The following BCAS3 variants were observed in gnomAD, a reference collection of about 807,000 sequenced individuals.
BCAS3 encodes the protein BCAS4/BCAS3 fusion.
Under a neutral mutation model 116.1 loss-of-function variants are expected in BCAS3, and 53 were observed. That is an observed-to-expected ratio of 0.46 (90% CI 0.37 to 0.57). The LOEUF is 0.57. BCAS3 is among the 20% of genes least tolerant of loss of function. The pLI is 0.00. For missense variants in BCAS3, 917 were observed against 1,165.4 expected, an observed-to-expected ratio of 0.79 and a Z score of 3.10; for synonymous variants, 391 against 408.2, an observed-to-expected ratio of 0.96 and a Z score of 0.51.
rs1315416441 is a variant in BCAS3 at position 61,362,163 on chromosome 17, C to T, written c.2426-6164C>T. Among the ~76,000 whole-genome samples the T allele has an allele frequency of 2.6e-5, 4 of 152,194 alleles. No individual in the cohort carries two copies. In the South Asian group the frequency reaches 6.2e-4, roughly 24 times the overall value. ...GTAGTGTGGAGAAAGGGGTGCTCCC[C>T]GCAGCAGCACTCTTAAGCTCCGTTT... On this transcript the variant is annotated intron_variant, in intron 22 of 23. Transcript: ENST00000407086. The surrounding 1 kb of genome is among the most constrained non-coding windows in gnomAD (Gnocchi z 4.4).
rs748271109 is a variant in BCAS3, at chr17:61,343,949, G to A, written c.2426-24378G>A. Among the ~76,000 whole-genome samples, 16 of 152,260 alleles carry A rather than the reference G, an allele frequency of 1.1e-4. No homozygotes were observed. Among genetic ancestry groups the A allele is most frequent in the Middle Eastern group, 3.4e-3 (1 of 294 alleles). The stretch of plus-strand genomic sequence containing the variant: ...TGCTTTGTTAGGTACCTGCATCCCA[G>A]CAGGACTGGGGACCTGGCTGGATGT... On this transcript the variant is annotated intron_variant, in intron 22 of 23. Transcript: ENST00000407086. The surrounding 1 kb of genome is among the most constrained non-coding windows in gnomAD (Gnocchi z 5.5).
At chr17:61,345,410 G>T (rs2057446809) in intron 22 of BCAS3, among the ~76,000 whole-genome samples, 1 of 152,184 alleles carries the variant, frequency 6.6e-6, no homozygotes, top group Admixed American at 6.5e-5. Flanking sequence ...CAGGTTGTTT[G>T]CTGAGAATGA....
rs536582159 is a variant in BCAS3 at position 60,953,735 on chromosome 17, AT to A, written c.1221+6398del. ...TGAGTCTTTAATTCATCTTGAGTTG[AT>A]TTTTTTTTTTTTTTGAGATGAAGTC... is the stretch of plus-strand genomic sequence containing the variant. On this transcript the variant is annotated intron_variant, in intron 14 of 23. Transcript: ENST00000407086. Among the ~76,000 whole-genome samples, 198 of 137,574 alleles carry A rather than the reference AT, an allele frequency of 1.4e-3. 1 individual carries two copies. Among genetic ancestry groups the A allele is most frequent in the Middle Eastern group, 3.7e-3 (1 of 268 alleles). 90.3% of individuals were successfully genotyped at this position (137,574 alleles called of 152,430 possible). A position where few individuals can be genotyped will look rare whatever the true frequency, so the allele number is the denominator to read the frequency against.
chr17:60,753,864 G>A (rs573945652), intron 6 of BCAS3, among the ~76,000 whole-genome samples: 30 of 152,166 alleles, frequency 2.0e-4, no homozygotes, highest in Admixed American at 1.3e-4. Context: ...GATGGGAACT[G>A]TGTTTTTCTA....
chr17:60,684,076 G>A, intron 3 of BCAS3, 40 bp downstream of exon 3: 3 of 1,584,286 alleles, frequency 1.9e-6, no homozygotes, highest in Non-Finnish European at 2.6e-6. Context: ...CCTTTGGTCA[G>A]GAGAGCTCTG....
intron 4 of BCAS3, among the ~76,000 whole-genome samples, chr17:60,699,195 A>G (rs945253525): frequency 6.6e-6 from 1 of 150,868 alleles, no homozygotes; most frequent in Non-Finnish European, 1.5e-5. Context: ...ATAAAACACC[A>G]TTTGTTTATT....
At chr17:60,984,952 G>T (rs1211289950) in intron 14 of BCAS3, among the ~76,000 whole-genome samples, 2 of 146,108 alleles carry the variant, frequency 1.4e-5, no homozygotes, top group Admixed American at 6.9e-5. Context: ...AGAGGTTGCA[G>T]TGAGCCGAGA....
At chr17:61,272,697 G>A (rs1602336937) in intron 22 of BCAS3, among the ~76,000 whole-genome samples, 1 of 125,938 alleles carries the variant, frequency 7.9e-6, no homozygotes, top group Non-Finnish European at 1.6e-5. Flanking sequence ...CTCATTCTAA[G>A]TAAAAATTAC....
In BCAS3 at chr17:61,063,266, T is replaced by C. The variant is rs185673093; in HGVS notation, c.2030-11654T>C. Reference sequence around the variant, plus strand: ...GTTTATTTACAGTTTTTTGTTTTTTTGTTGTTTTGGTTTTTTTTTTTGAGG... The same window carrying C: ...GTTTATTTACAGTTTTTTGTTTTTTCGTTGTTTTGGTTTTTTTTTTTGAGG... On this transcript the variant is annotated intron_variant, in intron 19 of 23. Coordinates refer to ENST00000407086, the MANE Select transcript of BCAS3 (RefSeq NM_017679.5). The surrounding 1 kb of genome is among the most constrained non-coding windows in gnomAD (Gnocchi z 5.3). Among the ~76,000 whole-genome samples, 16 of 151,872 alleles carry C rather than the reference T, an allele frequency of 1.1e-4. No individual in the cohort carries two copies. Among genetic ancestry groups the C allele is most frequent in the African/African-American group, 3.1e-4 (13 of 41,324 alleles).
chr17:61,061,841 AAAC>A (rs781067979), intron 19 of BCAS3, among the ~76,000 whole-genome samples: 31 of 152,342 alleles, frequency 2.0e-4, no homozygotes, highest in Middle Eastern at 3.4e-3. Flanking sequence ...CTGAACAAAA[AAAC>A]AACGTGTTTG....
intron 10 of BCAS3, among the ~76,000 whole-genome samples, chr17:60,889,979 C>T (rs2057023023): frequency 6.6e-6 from 1 of 152,212 alleles, no homozygotes; most frequent in East Asian, 1.9e-4. Flanking sequence ...TAAGTCCAGA[C>T]TCTGTAGAAC....
chr17:60,930,230 A>C (rs1211359081), intron 13 of BCAS3, among the ~76,000 whole-genome samples: 1 of 152,164 alleles, frequency 6.6e-6, no homozygotes, highest in Non-Finnish European at 1.5e-5. Flanking sequence ...ATAATTATCT[A>C]ATTTGGTTAA....
chr17:60,717,987 T>C (rs2038826270), intron 5 of BCAS3, among the ~76,000 whole-genome samples: 1 of 152,204 alleles, frequency 6.6e-6, no homozygotes, highest in Non-Finnish European at 1.5e-5. Flanking sequence ...TAGATTCTCA[T>C]AAGGAGCACA....
At chr17:60,770,972 C>T (rs1211873644) in intron 6 of BCAS3, among the ~76,000 whole-genome samples, 3 of 150,778 alleles carry the variant, frequency 2.0e-5, no homozygotes, top group Non-Finnish European at 4.4e-5. Context: ...TGTGCCACCA[C>T]GCCTACCTAA....
chr17:61,314,730 A>G (rs777356919), intron 22 of BCAS3, among the ~76,000 whole-genome samples: 2 of 152,216 alleles, frequency 1.3e-5, no homozygotes, highest in Non-Finnish European at 2.9e-5. Flanking sequence ...ATCAAAACAC[A>G]GGTCTTATCT....
intron 23 of BCAS3, among the ~76,000 whole-genome samples, chr17:61,373,056 C>CT (rs1171876115): frequency 4.0e-5 from 6 of 151,568 alleles, no homozygotes; most frequent in African/African-American, 1.2e-4. Context: ...AAGCCCAGGC[C>CT]TTATGCATGG....
intron 5 of BCAS3, among the ~76,000 whole-genome samples, chr17:60,728,774 C>T (rs541655702): frequency 2.8e-4 from 42 of 152,138 alleles, no homozygotes; most frequent in Admixed American, 2.6e-4. Context: ...CCACCACACC[C>T]GATAATATCT....
chr17:60,757,639 C>A (rs1003725910), intron 6 of BCAS3, among the ~76,000 whole-genome samples: 2 of 152,074 alleles, frequency 1.3e-5, no homozygotes, highest in South Asian at 2.1e-4. Context: ...TTTTTGAGTT[C>A]TTTGTATACT....
intron 22 of BCAS3, among the ~76,000 whole-genome samples, chr17:61,120,258 G>A (rs529600188): frequency 6.6e-6 from 1 of 152,068 alleles, no homozygotes; most frequent in South Asian, 2.1e-4. Flanking sequence ...TTTAAATATA[G>A]TACAGTGATT....
Sources: allele counts gnomAD v4.1 joint callset (sites outside exome capture counted in the v4.1 genomes callset), GRCh38; gene constraint gnomAD v4.1.1; non-coding constraint Gnocchi (gnomAD v3.1); transcripts MANE v1.5; gene names NCBI Gene and HGNC (gene_info 2026-07-23, HGNC 2026-07-21).